The following ARHGAP44 variants were observed in gnomAD, a reference collection of about 807,000 sequenced individuals.
ARHGAP44 encodes the protein Rho GTPase activating protein 44, also known as rho GTPase-activating protein 44.
Under a neutral mutation model 106.8 loss-of-function variants are expected in ARHGAP44, and 43 were observed. That is an observed-to-expected ratio of 0.40 (90% CI 0.32 to 0.52). ARHGAP44 has a LOEUF of 0.52. Ranked by LOEUF, ARHGAP44 falls within the 20% of genes least tolerant of loss-of-function variation. The pLI is 0.48. For missense variants in ARHGAP44, 866 were observed against 1,050.5 expected (o/e 0.82, Z 2.43); for synonymous variants, 439 against 410.3 (o/e 1.07, Z -0.85).
In ARHGAP44 at chr17:12,912,406, A is replaced by C. The variant is rs532988977; in HGVS notation, c.275+3433A>C. Among the ~76,000 whole-genome samples the C allele has an allele frequency of 1.6e-4, 24 of 152,020 alleles. 1 individual carries two copies. The South Asian group carries it at 5.0e-3, about 32-fold the overall frequency. On this transcript the variant is annotated intron_variant, in intron 4 of 20. Transcript: ENST00000379672. ...AGTAGAAAAAATTAGAAAATTAAAA[A>C]ATTAGAAAATTTTAGAAAATTAGAA...
At chr17:12,944,247 G>C in intron 10 of ARHGAP44, 51 bp downstream of exon 10, 1 of 1,537,782 alleles carries the variant, frequency 6.5e-7, no homozygotes, top group South Asian at 1.2e-5. Context: ...CCTCTTCCAC[G>C]AGACAGAGCT....
At chr17:12,928,746 G>A (rs1317990) in intron 6 of ARHGAP44, among the ~76,000 whole-genome samples, 183 bp from the exon 7 acceptor site, 1 of 152,048 alleles carries the variant, frequency 6.6e-6, no homozygotes, top group Admixed American at 6.5e-5. Context: ...AGCAGTTGAC[G>A]CATGGAAATA....
intron 4 of ARHGAP44, 131 bp from the exon 5 acceptor site, chr17:12,915,769 A>G (rs1242342520): frequency 4.2e-6 from 3 of 714,114 alleles, no homozygotes; most frequent in Admixed American, 2.7e-5. Context: ...AGGGGAAGCC[A>G]TGGAGATCAG....
At chr17:12,900,120 TTTTTTA>T (rs1183903030) in intron 3 of ARHGAP44, among the ~76,000 whole-genome samples, 3 of 152,104 alleles carry the variant, frequency 2.0e-5, no homozygotes, top group Admixed American at 2.0e-4. Context: ...GTTGCCATCT[TTTTTTA>T]TTTTTATTTT....
chr17:12,973,731 T>A (rs112986903), intron 17 of ARHGAP44: 6,182 of 493,878 alleles, frequency 0.013, 89 homozygotes, highest in South Asian at 0.031. Context: ...CACACACCGC[T>A]GTGAGGAAGG....
chr17:12,937,677 C>T (rs2038587481), intron 7 of ARHGAP44, among the ~76,000 whole-genome samples: 2 of 152,082 alleles, frequency 1.3e-5, no homozygotes, highest in African/African-American at 4.8e-5. Flanking sequence ...CTTCAAAGCC[C>T]CCTGCGTGCT....
At chr17:12,926,511 T>C (rs1288689645) in intron 6 of ARHGAP44, among the ~76,000 whole-genome samples, 5 of 145,756 alleles carry the variant, frequency 3.4e-5, no homozygotes, top group Non-Finnish European at 4.5e-5. Flanking sequence ...ATATATATTA[T>C]ATATGCATAT....
At chr17:12,812,431 A>G (rs1463550602) in intron 1 of ARHGAP44, among the ~76,000 whole-genome samples, 1 of 152,342 alleles carries the variant, frequency 6.6e-6, no homozygotes, top group East Asian at 1.9e-4. Context: ...CAAAGGGGAC[A>G]TGCAAATCTA....
chr17:12,913,930 C>G (rs1460945708), intron 4 of ARHGAP44, among the ~76,000 whole-genome samples: 1 of 140,134 alleles, frequency 7.1e-6, no homozygotes, highest in Non-Finnish European at 1.5e-5. Context: ...GTACGCGTCA[C>G]TGCACTCCAG....
intron 1 of ARHGAP44, among the ~76,000 whole-genome samples, chr17:12,862,739 A>G (rs1368631248): frequency 1.3e-5 from 2 of 152,162 alleles, no homozygotes; most frequent in African/African-American, 2.4e-5. Context: ...TCAGGCCTAT[A>G]ATCCCAGTAC....
intron 20 of ARHGAP44, 56 bp downstream of exon 20, chr17:12,984,964 TAGGGGAGGGATTGCTAGTGTTACTGCC>T: frequency 6.5e-7 from 1 of 1,539,976 alleles, no homozygotes; most frequent in East Asian, 2.3e-5. Context: ...GAAATGTGCC[TAGGGGAGGGATTGCTAGTGTTACTGCC>T]AGTGAACACA....
Position 12,949,038 on chromosome 17 carries a change from T to C in ARHGAP44, c.862-102T>C, listed in dbSNP as rs1262771087. On this transcript the variant is annotated intron_variant, in intron 10 of 20. Coordinates refer to ENST00000379672, the MANE Select transcript of ARHGAP44 (RefSeq NM_014859.6). The surrounding 1 kb of genome is among the most constrained non-coding windows in gnomAD (Gnocchi z 4.1). ...TGGGAGATGGTGTTGGGCAAATGCA[T>C]GTAAGAGGTTTTGGAGAAAAGAAGC... 1.9e-5 allele frequency: 22 copies of C among 1,130,978 alleles called. No homozygotes were observed. The highest frequency in any genetic ancestry group is 1.9e-4 in the South Asian group (14 of 75,046). 70.1% of individuals were successfully genotyped at this position (1,130,978 alleles called of 1,614,324 possible).
In ARHGAP44 at chr17:12,924,128, T is replaced by G. The variant is rs78341759; in HGVS notation, c.464+4297T>G. ...ACAGGAAGTAGATTTGTATATATTA[T>G]CAGCACATCTTGAACAATAGTCCCA... On this transcript the variant is annotated intron_variant, in intron 6 of 20. Coordinates refer to ENST00000379672, the MANE Select transcript of ARHGAP44 (RefSeq NM_014859.6). 5.9e-3 allele frequency among the ~76,000 whole-genome samples: 892 copies of G among 152,348 alleles called. 20 individuals carry two copies. The highest frequency in any genetic ancestry group is 0.04 in the Admixed American group (613 of 15,306).
chr17:12,939,192 T>G (rs2038637090), intron 7 of ARHGAP44, among the ~76,000 whole-genome samples: 1 of 152,090 alleles, frequency 6.6e-6, no homozygotes. Flanking sequence ...GGAGCTGAGG[T>G]GATGTTTGAG....
At chr17:12,974,866 T>TC (rs59505513) in intron 18 of ARHGAP44, among the ~76,000 whole-genome samples, 6,926 of 151,398 alleles carry the variant, frequency 0.046, 543 homozygotes, top group African/African-American at 0.16. Flanking sequence ...TTTTTTTTTT[T>TC]CGAGATGGAG....
chr17:12,805,790 G>C (rs1431070691), intron 1 of ARHGAP44, among the ~76,000 whole-genome samples: 2 of 152,224 alleles, frequency 1.3e-5, no homozygotes, highest in Non-Finnish European at 1.5e-5. Flanking sequence ...ACCTGTGGAA[G>C]GGAGTGAAAA....
intron 13 of ARHGAP44, chr17:12,955,628 C>A: frequency 2.4e-6 from 1 of 417,476 alleles, no homozygotes. Flanking sequence ...GACTTTCTGG[C>A]CAGTGTTAGT....
chr17:12,955,901 T>C lies in ARHGAP44; in HGVS notation c.1171T>C (p.Tyr391His), dbSNP rs370064989. Residue 391 changes from tyrosine (Y) to histidine (H), a missense_variant, in exon 14 of 21, where the codon TAT becomes CAT. This residue lies in a region of ARHGAP44 where 448 missense variants were observed against 646.9 expected (regional missense o/e 0.69). Coordinates refer to ENST00000379672, the MANE Select transcript of ARHGAP44 (RefSeq NM_014859.6). ...LIKFLSKLSE[Y>H]QDVNKMTPSN... Reference sequence around the variant, plus strand: ...AAAATTTTTATCCAAGCTGTCAGAATATCAAGATGTAAACAAGATGACTCC... The same window carrying C: ...AAAATTTTTATCCAAGCTGTCAGAACATCAAGATGTAAACAAGATGACTCC... 1.2e-6 allele frequency: 2 copies of C among 1,613,594 alleles called. No homozygotes were observed. The highest frequency in any genetic ancestry group is 1.3e-5 in the African/African-American group (1 of 74,962).
chr17:12,790,152 C>T (rs1285323614), intron 1 of ARHGAP44: 4 of 450,986 alleles, frequency 8.9e-6, no homozygotes, highest in South Asian at 3.6e-5. Context: ...CCTGCGTCCC[C>T]GGCTGCCCCT....
Sources: allele counts gnomAD v4.1 joint callset (sites outside exome capture counted in the v4.1 genomes callset), GRCh38; gene constraint gnomAD v4.1.1; regional missense constraint gnomAD v4.1.1; non-coding constraint Gnocchi (gnomAD v3.1); transcripts MANE v1.5; gene names NCBI Gene and HGNC (gene_info 2026-07-23, HGNC 2026-07-21).